PPP2R5E: variants seen among roughly 807,000 people sequenced by gnomAD.
PPP2R5E encodes protein phosphatase 2 regulatory subunit B'epsilon.
PPP2R5E carries 4 observed loss-of-function variants against 65.3 expected under a neutral mutation model. That is an observed-to-expected ratio of 0.06 (90% CI 0.03 to 0.14). PPP2R5E has a LOEUF of 0.14. PPP2R5E is among the 10% of genes least tolerant of loss of function. PPP2R5E has a pLI of 1.00. For synonymous variants in PPP2R5E, 183 were observed against 187.4 expected (o/e 0.98, Z 0.19); for missense variants, 274 against 556.1 (o/e 0.49, Z 5.10).
chr14:63,491,676 C>T (rs1475669661), intron 2 of PPP2R5E, among the ~76,000 whole-genome samples: 5 of 151,982 alleles, frequency 3.3e-5, no homozygotes, highest in South Asian at 2.1e-4. Flanking sequence ...GGGAAAACCC[C>T]GTCTCTGCTA....
intron 11 of PPP2R5E, 50 bp from the exon 12 acceptor site, chr14:63,384,621 A>G: frequency 6.8e-7 from 1 of 1,474,074 alleles, no homozygotes; most frequent in Non-Finnish European, 9.2e-7. Flanking sequence ...AGACAAAGAT[A>G]AAACAAAATT....
chr14:63,505,093 G>C (rs912699043), intron 2 of PPP2R5E, among the ~76,000 whole-genome samples: 1 of 152,166 alleles, frequency 6.6e-6, no homozygotes, highest in Non-Finnish European at 1.5e-5. Context: ...CCAGTACTTT[G>C]GGAGGCCGAG....
intron 2 of PPP2R5E, among the ~76,000 whole-genome samples, chr14:63,506,864 T>C (rs1892209036): frequency 6.6e-6 from 1 of 152,206 alleles, no homozygotes; most frequent in African/African-American, 2.4e-5. Flanking sequence ...AACAGCATTA[T>C]CCATAATAGC....
intron 3 of PPP2R5E, among the ~76,000 whole-genome samples, chr14:63,430,137 T>G (rs1887558103): frequency 6.6e-6 from 1 of 152,208 alleles, no homozygotes; most frequent in Non-Finnish European, 1.5e-5. Context: ...AATATGAATA[T>G]AAGCAAGACT....
intron 13 of PPP2R5E, among the ~76,000 whole-genome samples, chr14:63,376,526 T>C (rs1313385146): frequency 1.3e-5 from 2 of 152,184 alleles, no homozygotes; most frequent in African/African-American, 4.8e-5. Context: ...GAAAAGAACT[T>C]GGTTGATATT....
At position 63,391,481 on chromosome 14, in the gene PPP2R5E, G is replaced by A. The variant is rs1000210603; in HGVS notation, c.954+336C>T. On this transcript the variant is annotated intron_variant, in intron 10 of 13. Coordinates refer to ENST00000337537, the MANE Select transcript of PPP2R5E (RefSeq NM_006246.5). ...CTTGTTGCCCAGGCTGGAGTGCAAT[G>A]GCACCATCTCGGCTCACTGCAAACT... is the stretch of plus-strand genomic sequence containing the variant. Among the ~76,000 whole-genome samples, 6 of 152,260 alleles carry A rather than the reference G, an allele frequency of 3.9e-5. No homozygotes were observed. In the South Asian group the frequency reaches 8.3e-4, roughly 21 times the overall value.
chr14:63,522,068 C>G (rs1892934546), intron 2 of PPP2R5E, among the ~76,000 whole-genome samples: 1 of 147,230 alleles, frequency 6.8e-6, no homozygotes, highest in Non-Finnish European at 1.5e-5. Context: ...CTCAGCTTGC[C>G]GAGTGCCTGC....
chr14:63,525,019 G>C (rs1893123411), intron 2 of PPP2R5E, among the ~76,000 whole-genome samples: 1 of 152,180 alleles, frequency 6.6e-6, no homozygotes, highest in South Asian at 2.1e-4. Context: ...AGCCAGACCG[G>C]CCTAGGGTCC....
At chr14:63,523,007 G>A (rs1178296795) in intron 2 of PPP2R5E, among the ~76,000 whole-genome samples, 1 of 143,498 alleles carries the variant, frequency 7.0e-6, no homozygotes. Flanking sequence ...GGAGGTGAGG[G>A]GCGCCTCTGC....
intron 2 of PPP2R5E, among the ~76,000 whole-genome samples, chr14:63,512,576 T>G (rs1892508725): frequency 6.6e-6 from 1 of 152,186 alleles, no homozygotes. Flanking sequence ...TTTAATTAAT[T>G]TTTTTAATGT....
intron 2 of PPP2R5E, among the ~76,000 whole-genome samples, chr14:63,519,831 T>G (rs1892823126): frequency 6.6e-6 from 1 of 151,430 alleles, no homozygotes; most frequent in South Asian, 2.1e-4. Flanking sequence ...CCGGCTAATT[T>G]TTGTATTTTT....
chr14:63,381,525 A>G (rs1884356294), intron 13 of PPP2R5E, among the ~76,000 whole-genome samples: 1 of 89,678 alleles, frequency 1.1e-5, no homozygotes, highest in African/African-American at 4.5e-5. Context: ...TAAAGAAAGG[A>G]AAGAAAGCGG....
At chr14:63,530,705 T>C (rs1325831118) in intron 2 of PPP2R5E, among the ~76,000 whole-genome samples, 3 of 145,050 alleles carry the variant, frequency 2.1e-5, no homozygotes, top group African/African-American at 7.8e-5. Context: ...ATGCAACCTC[T>C]GCCTCCCAGT....
chr14:63,377,810 G>A (rs1366188465), intron 13 of PPP2R5E, among the ~76,000 whole-genome samples: 1 of 152,144 alleles, frequency 6.6e-6, no homozygotes, highest in Admixed American at 6.5e-5. Context: ...TGCACTTATA[G>A]GACAATAAGG....
chr14:63,502,185 G>C (rs1891923397), intron 2 of PPP2R5E, among the ~76,000 whole-genome samples: 2 of 152,144 alleles, frequency 1.3e-5, no homozygotes, highest in African/African-American at 4.8e-5. Flanking sequence ...GTGAGCCACT[G>C]CACCCAGCTG....
intron 1 of PPP2R5E, among the ~76,000 whole-genome samples, chr14:63,539,981 CG>C (rs1039168520): frequency 8.6e-5 from 13 of 151,224 alleles, no homozygotes; most frequent in African/African-American, 2.7e-4. Context: ...AAAAATTAGC[CG>C]GGCATGATGG....
At chr14:63,506,145 C>A (rs1892161993) in intron 2 of PPP2R5E, among the ~76,000 whole-genome samples, 1 of 151,986 alleles carries the variant, frequency 6.6e-6, no homozygotes, top group East Asian at 1.9e-4. Flanking sequence ...AAAAAGAATT[C>A]TTCACCTTAA....
At chr14:63,486,217 T>C (rs1050078294) in intron 2 of PPP2R5E, among the ~76,000 whole-genome samples, 8 of 151,576 alleles carry the variant, frequency 5.3e-5, no homozygotes, top group Non-Finnish European at 8.8e-5. Context: ...CTAGGTCCTC[T>C]TTTCCCAATT....
intron 3 of PPP2R5E, among the ~76,000 whole-genome samples, chr14:63,438,575 A>C (rs1003811438): frequency 6.6e-6 from 1 of 152,148 alleles, no homozygotes; most frequent in South Asian, 2.1e-4. Context: ...GGGTAGAGAC[A>C]GGGGGAGTAT....
Sources: gnomAD v4.1 joint callset for allele counts (sites outside exome capture counted in the v4.1 genomes callset) on GRCh38, gnomAD v4.1.1 for gene constraint, MANE v1.5 for transcripts, NCBI Gene and HGNC (gene_info 2026-07-23, HGNC 2026-07-21) for gene names.